Variants in PDE4B observed in about 807,000 individuals in gnomAD.
PDE4B encodes phosphodiesterase 4B.
A neutral mutation model predicts 82.2 loss-of-function variants in PDE4B; 20 were observed. The ratio of observed to expected loss-of-function variants is 0.24; its 90% CI spans 0.17 to 0.35. PDE4B has a LOEUF of 0.35. Ranked by LOEUF, PDE4B falls within the 10% of genes least tolerant of loss-of-function variation. The pLI, the probability that PDE4B is intolerant of heterozygous loss-of-function variation, is 1.00. For synonymous variants in PDE4B, 320 were observed against 318.9 expected, an observed-to-expected ratio of 1.00 and a Z score of -0.04; for missense variants, 655 against 907.2, an observed-to-expected ratio of 0.72 and a Z score of 3.57.
chr1:66,356,539 G>A (rs931292168), intron 9 of PDE4B, among the ~76,000 whole-genome samples: 5 of 152,184 alleles, frequency 3.3e-5, no homozygotes, highest in Non-Finnish European at 4.4e-5. Flanking sequence ...CCAGGGAAGC[G>A]ACCCATTCTC....
chr1:65,914,929 A>G (rs1647142556), intron 2 of PDE4B, among the ~76,000 whole-genome samples: 1 of 152,222 alleles, frequency 6.6e-6, no homozygotes, highest in South Asian at 2.1e-4. Context: ...ATTAGTCTAA[A>G]TGGAAATGTG....
intron 3 of PDE4B, among the ~76,000 whole-genome samples, chr1:66,028,678 C>A (rs1214297579): frequency 6.6e-6 from 1 of 152,178 alleles, no homozygotes; most frequent in Non-Finnish European, 1.5e-5. Flanking sequence ...TTTCTTCCAT[C>A]AGATACCCTA....
At position 66,368,844 on chromosome 1, in the gene PDE4B, T is replaced by C; in HGVS notation, c.1720T>C (p.Leu574=). ...DLSNPTKSLE[L]YRQWTDRIME... is the part of the protein sequence containing the mutation. ...GAGCAACCCCACCAAGTCCTTGGAATTGTATCGGCAATGGACAGACCGCAT... is the reference window on the plus strand; with the variant it reads ...GAGCAACCCCACCAAGTCCTTGGAACTGTATCGGCAATGGACAGACCGCAT... Residue 574 remains leucine (L), a synonymous_variant, in exon 16 of 17, where the codon TTG becomes CTG. Coordinates refer to ENST00000341517, the MANE Select transcript of PDE4B (RefSeq NM_002600.4). 6.2e-7 allele frequency: 1 copy of C among 1,613,278 alleles called. No homozygotes were observed. Among genetic ancestry groups the C allele is most frequent in the Non-Finnish European group, 8.5e-7 (1 of 1,179,506 alleles).
At chr1:66,251,101 A>G (rs944969536) in intron 4 of PDE4B, among the ~76,000 whole-genome samples, 3 of 152,260 alleles carry the variant, frequency 2.0e-5, no homozygotes, top group African/African-American at 7.2e-5. Context: ...CACACTTACT[A>G]GCACCATGGC....
intron 7 of PDE4B, among the ~76,000 whole-genome samples, chr1:66,311,642 C>G (rs1658678498): frequency 6.6e-6 from 1 of 152,278 alleles, no homozygotes; most frequent in Non-Finnish European, 1.5e-5. Flanking sequence ...CAGCAGCAGT[C>G]TCTGAAGTGA....
chr1:65,938,271 C>T (rs1309774994), intron 3 of PDE4B, among the ~76,000 whole-genome samples: 1 of 152,166 alleles, frequency 6.6e-6, no homozygotes, highest in Non-Finnish European at 1.5e-5. Flanking sequence ...ATGATAAAAA[C>T]TCTAAACCAT....
chr1:66,157,722 CCAAGAGGTTTGTTT>C (rs1646528364), intron 3 of PDE4B, among the ~76,000 whole-genome samples: 1 of 152,036 alleles, frequency 6.6e-6, no homozygotes, highest in Non-Finnish European at 1.5e-5. Context: ...GAATATAATT[CCAAGAGGTTTGTTT>C]TCTCCTGTAT....
At chr1:65,924,958 C>T (rs1046560796) in intron 3 of PDE4B, among the ~76,000 whole-genome samples, 1 of 152,178 alleles carries the variant, frequency 6.6e-6, no homozygotes, top group Non-Finnish European at 1.5e-5. Flanking sequence ...TTTATATATT[C>T]TGTTCATTAG....
At chr1:65,877,499 C>T (rs1298193573) in intron 1 of PDE4B, among the ~76,000 whole-genome samples, 3 of 152,074 alleles carry the variant, frequency 2.0e-5, no homozygotes, top group Non-Finnish European at 4.4e-5. Context: ...CCTGTAGTCC[C>T]AGCTACTTGG....
intron 3 of PDE4B, among the ~76,000 whole-genome samples, chr1:65,988,240 A>C (rs1651055273): frequency 6.6e-6 from 1 of 152,236 alleles, no homozygotes; most frequent in South Asian, 2.1e-4. Context: ...TTAATTTTCT[A>C]AGAGAGCTAG....
At chr1:66,263,796 TGATGGGTA>T (rs1654851275) in intron 6 of PDE4B, among the ~76,000 whole-genome samples, 1 of 151,456 alleles carries the variant, frequency 6.6e-6, no homozygotes. Flanking sequence ...ACTTAACCTT[TGATGGGTA>T]GATTGTTTGG....
chr1:66,079,381 C>A (rs1271093667), intron 3 of PDE4B, among the ~76,000 whole-genome samples: 1 of 151,858 alleles, frequency 6.6e-6, no homozygotes, highest in Non-Finnish European at 1.5e-5. Flanking sequence ...GGATTTGGAC[C>A]CTTTATCTCT....
Position 66,224,288 on chromosome 1 carries a change from A to T in PDE4B, c.282-23172A>T, listed in dbSNP as rs1651249129. The stretch of plus-strand genomic sequence containing the variant: ...TCTTTCTTTGCCAAGCTTAAATGTA[A>T]GTATTTGTCATTAAAATTACTCCTT... On this transcript the variant is annotated intron_variant, in intron 3 of 16. Transcript: ENST00000341517. Among the ~76,000 whole-genome samples, 2 of 151,680 alleles carry T rather than the reference A, an allele frequency of 1.3e-5. 1 individual carries two copies. Among genetic ancestry groups the T allele is most frequent in the East Asian group, 3.9e-4 (2 of 5,190 alleles).
intron 1 of PDE4B, among the ~76,000 whole-genome samples, chr1:65,831,493 G>A (rs535607857): frequency 6.6e-6 from 1 of 152,188 alleles, no homozygotes; most frequent in East Asian, 1.9e-4. Context: ...TAGAAAACTT[G>A]CTAGTTCTAT....
At chr1:66,131,269 T>G (rs1557583409) in intron 3 of PDE4B, among the ~76,000 whole-genome samples, 1 of 151,968 alleles carries the variant, frequency 6.6e-6, no homozygotes, top group Non-Finnish European at 1.5e-5. Context: ...AGAAGAAGAT[T>G]TTCACACCAT....
intron 3 of PDE4B, among the ~76,000 whole-genome samples, chr1:66,195,565 A>G (rs1648227891): frequency 6.6e-6 from 1 of 152,182 alleles, no homozygotes; most frequent in Non-Finnish European, 1.5e-5. Context: ...GAACTTTGGA[A>G]TCAAAGTAGT....
intron 3 of PDE4B, among the ~76,000 whole-genome samples, chr1:66,208,200 C>T (rs551223125): frequency 1.3e-5 from 2 of 152,272 alleles, no homozygotes; most frequent in South Asian, 4.1e-4. Context: ...TCTAATCATT[C>T]TTATAATTGT....
intron 3 of PDE4B, among the ~76,000 whole-genome samples, chr1:65,940,839 T>C (rs992668907): frequency 2.0e-5 from 3 of 151,844 alleles, no homozygotes; most frequent in Non-Finnish European, 2.9e-5. Flanking sequence ...GACGAGAGAG[T>C]GAAATTTCAG....
In PDE4B at chr1:65,947,393, C is replaced by A. The variant is rs550953738; in HGVS notation, c.281+28558C>A. On this transcript the variant is annotated intron_variant, in intron 3 of 16. Transcript: ENST00000341517. Reference sequence around the variant, plus strand: ...GGCTCGGCTCGTGTATTAAATAGGACCCCATTAGGGACCACCATTCCTGTC... The same window carrying A: ...GGCTCGGCTCGTGTATTAAATAGGAACCCATTAGGGACCACCATTCCTGTC... 1.1e-3 allele frequency among the ~76,000 whole-genome samples: 163 copies of A among 152,060 alleles called. 2 individuals carry two copies. Among genetic ancestry groups the A allele is most frequent in the Non-Finnish European group, 1.9e-3 (132 of 67,926 alleles).
Sources: allele counts gnomAD v4.1 joint callset (sites outside exome capture counted in the v4.1 genomes callset), GRCh38; gene constraint gnomAD v4.1.1; transcripts MANE v1.5; gene names NCBI Gene and HGNC (gene_info 2026-07-23, HGNC 2026-07-21).